LINC00237: variants seen among roughly 807,000 people sequenced by gnomAD.
LINC00237 encodes the protein long intergenic non-protein coding RNA 237.
chr20:21,103,117 C>A (rs987592314), intron 1 of LINC00237, among the ~76,000 whole-genome samples: 2 of 152,260 alleles, frequency 1.3e-5, no homozygotes, highest in African/African-American at 4.8e-5. Context: ...AGGGCGCACT[C>A]CCCGGCCTCA....
At chr20:21,086,667 CTATATATAGTATACTACA>C (rs368638587) in intron 3 of LINC00237, among the ~76,000 whole-genome samples, 703 of 55,278 alleles carry the variant, frequency 0.013, 47 homozygotes, top group African/African-American at 0.038. Flanking sequence ...GTATAGTATA[CTATATATAGTATACTACA>C]TATACATATG....
intron 2 of LINC00237, among the ~76,000 whole-genome samples, chr20:21,089,395 A>T (rs1347790347): frequency 6.6e-6 from 1 of 151,934 alleles, no homozygotes; most frequent in Non-Finnish European, 1.5e-5. Context: ...GTCACCATTA[A>T]ATTGAAAAAG....
chr20:21,099,127 G>A (rs2030896534), intron 1 of LINC00237, among the ~76,000 whole-genome samples: 1 of 152,194 alleles, frequency 6.6e-6, no homozygotes, highest in Non-Finnish European at 1.5e-5. Flanking sequence ...AAGGATGTGT[G>A]CCCTCTCCAT....
chr20:21,091,591 A>T (rs988227832), intron 2 of LINC00237, among the ~76,000 whole-genome samples: 1 of 151,574 alleles, frequency 6.6e-6, no homozygotes, highest in Non-Finnish European at 1.5e-5. Context: ...ACTTCTATTA[A>T]TTTTTGTGAA....
chr20:21,090,008 T>G (rs1371755664), intron 2 of LINC00237: 1 of 152,250 alleles, frequency 6.6e-6, no homozygotes, highest in Non-Finnish European at 1.5e-5. Context: ...TGTTTTTATG[T>G]AGACGTCTGA....
chr20:21,090,873 T>C (rs1388076580), intron 2 of LINC00237, among the ~76,000 whole-genome samples: 1 of 152,184 alleles, frequency 6.6e-6, no homozygotes, highest in Non-Finnish European at 1.5e-5. Flanking sequence ...TGCCCGGAGA[T>C]GCATGACTAC....
At chr20:21,103,777 C>A (rs2030963081) in intron 1 of LINC00237, among the ~76,000 whole-genome samples, 1 of 152,202 alleles carries the variant, frequency 6.6e-6, no homozygotes, top group Non-Finnish European at 1.5e-5. Flanking sequence ...GGCGTCCTGG[C>A]ACGTCGAGCG....
At chr20:21,097,045 A>G (rs1352706233) in intron 1 of LINC00237, among the ~76,000 whole-genome samples, 1 of 152,210 alleles carries the variant, frequency 6.6e-6, no homozygotes, top group Non-Finnish European at 1.5e-5. Flanking sequence ...CCTAGCCAGG[A>G]GAGGGAGAGG....
intron 2 of LINC00237, among the ~76,000 whole-genome samples, chr20:21,089,011 A>C (rs1170259544): frequency 6.6e-6 from 1 of 151,934 alleles, no homozygotes; most frequent in Non-Finnish European, 1.5e-5. Context: ...TTTAGCCATT[A>C]AGTAATAGGA....
At chr20:21,092,108 C>G (rs1234509053) in intron 2 of LINC00237, among the ~76,000 whole-genome samples, 1 of 152,200 alleles carries the variant, frequency 6.6e-6, no homozygotes, top group African/African-American at 2.4e-5. Flanking sequence ...AAGAGTCCAT[C>G]AGGAGATGTT....
intron 1 of LINC00237, among the ~76,000 whole-genome samples, chr20:21,102,752 A>G (rs2030949143): frequency 6.6e-6 from 1 of 151,618 alleles, no homozygotes; most frequent in Admixed American, 6.6e-5. Flanking sequence ...GCCCCCACTG[A>G]GCGGAACAAT....
intron 1 of LINC00237, among the ~76,000 whole-genome samples, chr20:21,094,936 A>G (rs187006398): frequency 6.6e-6 from 1 of 152,262 alleles, no homozygotes; most frequent in Non-Finnish European, 1.5e-5. Flanking sequence ...CTGTAATTCC[A>G]GTTACTCAGG....
intron 2 of LINC00237, chr20:21,093,263 T>C (rs1166590395): frequency 6.6e-6 from 1 of 152,166 alleles, no homozygotes; most frequent in East Asian, 1.9e-4. Flanking sequence ...AAATAAGTTT[T>C]GATACAAAAA....
At chr20:21,088,871 T>C (rs568882073) in intron 2 of LINC00237, among the ~76,000 whole-genome samples, 2 of 152,050 alleles carry the variant, frequency 1.3e-5, no homozygotes, top group African/African-American at 2.4e-5. Flanking sequence ...AAAATCAACA[T>C]GTTCGGTGCT....
At chr20:21,089,012 A>C (rs1054410382) in intron 2 of LINC00237, among the ~76,000 whole-genome samples, 1 of 151,990 alleles carries the variant, frequency 6.6e-6, no homozygotes, top group African/African-American at 2.4e-5. Context: ...TTAGCCATTA[A>C]GTAATAGGAG....
intron 3 of LINC00237, among the ~76,000 whole-genome samples, chr20:21,087,056 C>T (rs1449202036): frequency 4.9e-5 from 7 of 142,094 alleles, no homozygotes; most frequent in African/African-American, 1.8e-4. Context: ...ATATAGTATA[C>T]ATATATATAC....
chr20:21,103,414 G>A (rs939345615), intron 1 of LINC00237, among the ~76,000 whole-genome samples: 1 of 152,206 alleles, frequency 6.6e-6, no homozygotes, highest in Non-Finnish European at 1.5e-5. Context: ...CAATAGCCAC[G>A]GCTCGGGGCT....
intron 1 of LINC00237, among the ~76,000 whole-genome samples, chr20:21,094,297 C>T (rs1469835509): frequency 2.0e-5 from 3 of 152,190 alleles, no homozygotes; most frequent in Non-Finnish European, 4.4e-5. Flanking sequence ...TTTGCACAGA[C>T]ACTCGTGTTG....
chr20:21,093,983 C>T (rs2030823855), intron 1 of LINC00237: 1 of 152,208 alleles, frequency 6.6e-6, no homozygotes. Context: ...GAGGGCAATG[C>T]TTGACCCAAA....
Sources: gnomAD v4.1 joint callset for allele counts (sites outside exome capture counted in the v4.1 genomes callset) on GRCh38, gnomAD v4.1.1 for gene constraint, MANE v1.5 for transcripts, NCBI Gene and HGNC (gene_info 2026-07-23, HGNC 2026-07-21) for gene names.